EIF3F: variants seen among roughly 807,000 people sequenced by gnomAD.
EIF3F encodes deubiquitinating enzyme eIF3f.
In EIF3F, 8 loss-of-function variants were observed where a neutral mutation model predicts 36.0. The ratio of observed to expected loss-of-function variants is 0.22; its 90% CI spans 0.13 to 0.40. The LOEUF is 0.40. EIF3F is among the 10% of genes least tolerant of loss of function. The pLI is 1.00. For missense variants in EIF3F, 430 were observed against 467.6 expected, an observed-to-expected ratio of 0.92 and a Z score of 0.74; for synonymous variants, 184 against 188.5, an observed-to-expected ratio of 0.98 and a Z score of 0.19.
Position 7,994,524 on chromosome 11 carries a change from A to T in EIF3F, c.745+7A>T, listed in dbSNP as rs1489730526. 6.2e-7 allele frequency: 1 copy of T among 1,612,448 alleles called. No individual in the cohort carries two copies. Among genetic ancestry groups the T allele is most frequent in the East Asian group, 2.2e-5 (1 of 44,826 alleles). ...GACACTGAACGCATCGGAGGTGAGT[A>T]ACCTTTCCATACACTCGCGAGAGGC... On this transcript the variant is annotated splice_region_variant and intron_variant, in intron 5 of 7. Transcript: ENST00000651655.
rs181976683 is a variant in EIF3F, at chr11:7,997,181, G to A, written c.*1159G>A. On this transcript the variant is annotated 3_prime_UTR_variant, in exon 8 of 8. Coordinates refer to ENST00000651655, the MANE Select transcript of EIF3F (RefSeq NM_003754.3). ...AGTAATGATAGATAATTTCTTACAG[G>A]TAGGGAAATGTAAACAGATCTTATC... The A allele has an allele frequency of 6.6e-6, 1 of 152,344 alleles. No homozygotes were observed. The highest frequency in any genetic ancestry group is 1.9e-4 in the East Asian group (1 of 5,192). 9.4% of individuals were successfully genotyped at this position (152,344 alleles called of 1,614,324 possible). A position where few individuals can be genotyped will look rare whatever the true frequency, so the allele number is the denominator to read the frequency against.
chr11:7,987,460 T>G lies in EIF3F; in HGVS notation c.108T>G (p.Ala36=). The part of the protein sequence containing the change: ...VPAPTPAPAA[A]PVPAAAPASS... ...CGCCAACGCCAGCACCGGCTGCGGC[T>G]CCGGTTCCCGCTGCGGCTCCAGCCT... Residue 36 remains alanine, a synonymous_variant, in exon 1 of 8, where the codon GCT becomes GCG. Coordinates refer to ENST00000651655, the MANE Select transcript of EIF3F (RefSeq NM_003754.3). The G allele has an allele frequency of 1.2e-6, 2 of 1,604,434 alleles. No individual in the cohort carries two copies. Among genetic ancestry groups the G allele is most frequent in the Non-Finnish European group, 1.7e-6 (2 of 1,178,912 alleles).
At chr11:7,988,057 C>T (rs1038046381) in intron 1 of EIF3F, 3 of 189,924 alleles carry the variant, frequency 1.6e-5, no homozygotes, top group Non-Finnish European at 1.1e-5. Context: ...GTATGATGGG[C>T]TGCATCTACC....
intron 5 of EIF3F, 109 bp downstream of exon 5, chr11:7,994,626 T>C (rs539565309): frequency 3.8e-5 from 38 of 997,212 alleles, no homozygotes; most frequent in Non-Finnish European, 5.4e-5. Flanking sequence ...AAGGGACTAT[T>C]GATCTAAGGT....
chr11:7,994,068 C>G (rs527749435), intron 4 of EIF3F, among the ~76,000 whole-genome samples: 1 of 152,064 alleles, frequency 6.6e-6, no homozygotes, highest in Non-Finnish European at 1.5e-5. Context: ...GCGTAGTCCC[C>G]GAAAAGATTT....
Position 7,997,214 on chromosome 11 carries a change from TG to T in EIF3F, c.*1193del, listed in dbSNP as rs1268971328. ...ATGTAAACAGATCTTATCGGCAAAA[TG>T]ATAATGACAGGCCAAATTGTTAAAG... On this transcript the variant is annotated 3_prime_UTR_variant, in exon 8 of 8. Transcript: ENST00000651655. 1 of 152,150 alleles carries T rather than the reference TG, an allele frequency of 6.6e-6. No homozygotes were observed. Among genetic ancestry groups the T allele is most frequent in the East Asian group, 1.9e-4 (1 of 5,190 alleles). 9.4% of individuals were successfully genotyped at this position (152,150 alleles called of 1,614,324 possible).
rs186851906 is a variant in EIF3F at position 8,000,792 on chromosome 11, C to G, written c.*4770C>G. 1.3e-5 allele frequency: 2 copies of G among 151,206 alleles called. No individual in the cohort carries two copies. The highest frequency in any genetic ancestry group is 1.3e-4 in the Admixed American group (2 of 15,188). 9.4% of individuals were successfully genotyped at this position (151,206 alleles called of 1,614,324 possible). A position where few individuals can be genotyped will look rare whatever the true frequency, so the allele number is the denominator to read the frequency against. On this transcript the variant is annotated 3_prime_UTR_variant, in exon 8 of 8. Transcript: ENST00000651655. ...GTTACCTGCACCAAAATAAGTTGCT[C>G]ATGGAATAAAAACTTGTCTGAAAAA...
intron 1 of EIF3F, 147 bp downstream of exon 1, chr11:7,987,863 A>C: frequency 8.2e-7 from 1 of 1,213,802 alleles, no homozygotes; most frequent in South Asian, 2.6e-5. Flanking sequence ...TCTGCATCCT[A>C]CCTTTTGCTG....
chr11:7,993,071 C>T (rs1170894651), intron 4 of EIF3F, 47 bp downstream of exon 4: 2 of 1,508,318 alleles, frequency 1.3e-6, no homozygotes, highest in Admixed American at 2.3e-5. Context: ...TGCCCAGATG[C>T]CATCCCTCCC....
At chr11:7,991,941 G>T (rs1942101033) in intron 2 of EIF3F, 90 bp downstream of exon 2, 2 of 1,529,982 alleles carry the variant, frequency 1.3e-6, no homozygotes, top group Middle Eastern at 3.5e-4. Flanking sequence ...CATAACTAGA[G>T]CTCCTGTAGC....
rs1290629945 is a variant in EIF3F at position 8,001,169 on chromosome 11, C to T, written c.*5147C>T. On this transcript the variant is annotated 3_prime_UTR_variant, in exon 8 of 8. Coordinates refer to ENST00000651655, the MANE Select transcript of EIF3F (RefSeq NM_003754.3). ...AAGATGCTTGATCTCACTGATAAAGCATAAATTAAAACGATGTCATTTTTA... is the reference window on the plus strand; with the variant it reads ...AAGATGCTTGATCTCACTGATAAAGTATAAATTAAAACGATGTCATTTTTA... The T allele has an allele frequency of 6.6e-6, 1 of 152,116 alleles. No individual in the cohort carries two copies. The highest frequency in any genetic ancestry group is 1.5e-5 in the Non-Finnish European group (1 of 68,026). 9.4% of individuals were successfully genotyped at this position (152,116 alleles called of 1,614,324 possible).
In EIF3F at chr11:7,995,384, A is replaced by T; in HGVS notation, c.996+17A>T. ...AACATCAATGTGAGTGCCCTTCCTG[A>T]GCCCCTTCTTGCCTGGTTTCTTCCC... is the stretch of plus-strand genomic sequence containing the variant. On this transcript the variant is annotated intron_variant, in intron 7 of 7. Coordinates refer to ENST00000651655, the MANE Select transcript of EIF3F (RefSeq NM_003754.3). 1.3e-6 allele frequency: 2 copies of T among 1,596,168 alleles called. No homozygotes were observed. Among genetic ancestry groups the T allele is most frequent in the Non-Finnish European group, 1.7e-6 (2 of 1,163,646 alleles).
intron 1 of EIF3F, among the ~76,000 whole-genome samples, chr11:7,988,239 C>T (rs1228804156): frequency 6.6e-6 from 1 of 152,172 alleles, no homozygotes; most frequent in Non-Finnish European, 1.5e-5. Flanking sequence ...ACATTCCTCC[C>T]AACAAGTAAA....
intron 1 of EIF3F, chr11:7,988,044 C>T (rs1387336546): frequency 4.8e-6 from 1 of 210,438 alleles, no homozygotes; most frequent in African/African-American, 2.3e-5. Context: ...CAGTTTATGG[C>T]AAGTATGATG....
At position 7,994,971 on chromosome 11, in the gene EIF3F, A is replaced by G. The variant is rs1942144178; in HGVS notation, c.746-11A>G. On this transcript the variant is annotated splice_polypyrimidine_tract_variant and intron_variant, in intron 5 of 7. Coordinates refer to ENST00000651655, the MANE Select transcript of EIF3F (RefSeq NM_003754.3). ...CACTGCCGCTGCCACCCTGCCAACC[A>G]ACTTCCATAGTTGACCTGATCATGA... The G allele has an allele frequency of 3.1e-6, 5 of 1,611,146 alleles. No homozygotes were observed. Among genetic ancestry groups the G allele is most frequent in the Middle Eastern group, 4.0e-4 (2 of 4,996 alleles).
At chr11:7,994,837 G>A (rs1942142699) in intron 5 of EIF3F, 145 bp from the exon 6 acceptor site, 1 of 1,193,940 alleles carries the variant, frequency 8.4e-7, no homozygotes, top group African/African-American at 1.5e-5. Context: ...ACAGCAGGAA[G>A]TGTGACTGAG....
rs907608461 is a variant in EIF3F, at chr11:8,000,701, A to G, written c.*4679A>G. 6.6e-6 allele frequency: 1 copy of G among 152,224 alleles called. No individual in the cohort carries two copies. Among genetic ancestry groups the G allele is most frequent in the African/African-American group, 2.4e-5 (1 of 41,456 alleles). The allele number at this position is 152,224 out of a possible 1,614,324, so 9.4% of individuals were successfully genotyped here. On this transcript the variant is annotated 3_prime_UTR_variant, in exon 8 of 8. Coordinates refer to ENST00000651655, the MANE Select transcript of EIF3F (RefSeq NM_003754.3). ...ATATGATAAAGTTGTGTTTTCAAGC[A>G]AGTAAAGATAGATTACTTAAGAGCG...
intron 1 of EIF3F, among the ~76,000 whole-genome samples, chr11:7,990,102 A>T (rs182870291): frequency 1.1e-3 from 161 of 152,348 alleles, no homozygotes; most frequent in African/African-American, 3.8e-3. Flanking sequence ...ACATGGTGTG[A>T]TCAGAAGTGA....
rs1326144674 is a variant in EIF3F at position 7,996,901 on chromosome 11, T to G, written c.*879T>G. 3.3e-5 allele frequency: 5 copies of G among 151,930 alleles called. No homozygotes were observed. The highest frequency in any genetic ancestry group is 5.9e-5 in the Non-Finnish European group (4 of 68,036). 9.4% of individuals were successfully genotyped at this position (151,930 alleles called of 1,614,324 possible). A position where few individuals can be genotyped will look rare whatever the true frequency, so the allele number is the denominator to read the frequency against. ...CCTTAGGAAAGATAAATTATAAGAGTCATAAGATATGGATCATAAACATAC... is the reference window on the plus strand; with the variant it reads ...CCTTAGGAAAGATAAATTATAAGAGGCATAAGATATGGATCATAAACATAC... On this transcript the variant is annotated 3_prime_UTR_variant, in exon 8 of 8. Coordinates refer to ENST00000651655, the MANE Select transcript of EIF3F (RefSeq NM_003754.3).
Sources: allele counts gnomAD v4.1 joint callset (sites outside exome capture counted in the v4.1 genomes callset), GRCh38; gene constraint gnomAD v4.1.1; transcripts MANE v1.5; gene names NCBI Gene and HGNC (gene_info 2026-07-23, HGNC 2026-07-21).